SGMS1: variants seen among roughly 807,000 people sequenced by gnomAD.
SGMS1 encodes sphingomyelin synthase 1.
A neutral mutation model predicts 46.2 loss-of-function variants in SGMS1; 13 were observed. The observed-to-expected ratio is 0.28, with a 90% CI of 0.18 to 0.45. The LOEUF (loss-of-function observed/expected upper bound fraction) is 0.45, where lower values mean the gene tolerates loss of function less well. SGMS1 is among the 20% of genes least tolerant of loss of function. SGMS1 has a pLI of 1.00. For synonymous variants in SGMS1, 203 were observed against 187.8 expected, an observed-to-expected ratio of 1.08 and a Z score of -0.66; for missense variants, 324 against 519.9, an observed-to-expected ratio of 0.62 and a Z score of 3.66.
intron 6 of SGMS1, among the ~76,000 whole-genome samples, chr10:50,410,323 C>G (rs979779213): frequency 6.6e-6 from 1 of 152,096 alleles, no homozygotes; most frequent in Non-Finnish European, 1.5e-5. Context: ...GCCAGCTGGT[C>G]CTTAGAGTGC....
chr10:50,441,992 G>A (rs1203397), intron 5 of SGMS1, among the ~76,000 whole-genome samples: 3 of 151,838 alleles, frequency 2.0e-5, no homozygotes, highest in African/African-American at 7.3e-5. Context: ...ACCCTCCAAA[G>A]GCAATGTTTC....
At chr10:50,351,873 G>A (rs1048708109) in intron 6 of SGMS1, among the ~76,000 whole-genome samples, 1 of 152,080 alleles carries the variant, frequency 6.6e-6, no homozygotes, top group East Asian at 1.9e-4. Context: ...AGGAATAAAA[G>A]CTACTAATTA....
intron 3 of SGMS1, among the ~76,000 whole-genome samples, chr10:50,491,049 A>C (rs1464963711): frequency 6.6e-6 from 1 of 152,146 alleles, no homozygotes; most frequent in Non-Finnish European, 1.5e-5. Context: ...TATTTAAAGA[A>C]AAAAAAAGCA....
chr10:50,407,557 A>G (rs1459669998), intron 6 of SGMS1, among the ~76,000 whole-genome samples: 2 of 151,940 alleles, frequency 1.3e-5, no homozygotes, highest in Non-Finnish European at 2.9e-5. Flanking sequence ...TGTCCCTTCA[A>G]CCTGGGGTTG....
intron 2 of SGMS1, among the ~76,000 whole-genome samples, chr10:50,551,410 G>A (rs1016087737): frequency 6.7e-5 from 10 of 150,154 alleles, no homozygotes; most frequent in African/African-American, 2.0e-4. Context: ...AACAGTCACC[G>A]TCTAGGGCTC....
chr10:50,499,866 A>G (rs1837646528), intron 3 of SGMS1, among the ~76,000 whole-genome samples: 1 of 152,238 alleles, frequency 6.6e-6, no homozygotes, highest in South Asian at 2.1e-4. Context: ...CACATATTGT[A>G]TCTAAAAAAC....
intron 2 of SGMS1, among the ~76,000 whole-genome samples, chr10:50,551,990 C>T (rs190531592): frequency 1.2e-4 from 18 of 152,266 alleles, no homozygotes; most frequent in Middle Eastern, 3.4e-3. Context: ...AAGCCTATCC[C>T]CTACTCTGCT....
At chr10:50,529,563 C>T (rs1050695125) in intron 2 of SGMS1, among the ~76,000 whole-genome samples, 4 of 152,154 alleles carry the variant, frequency 2.6e-5, no homozygotes, top group Non-Finnish European at 5.9e-5. Context: ...GTTCGATTTT[C>T]TGAACTTTTT....
chr10:50,376,208 G>T (rs984063782), intron 6 of SGMS1, among the ~76,000 whole-genome samples: 2 of 152,184 alleles, frequency 1.3e-5, no homozygotes, highest in Admixed American at 6.5e-5. Context: ...TGTGGGGATA[G>T]AGGATATACA....
intron 3 of SGMS1, among the ~76,000 whole-genome samples, chr10:50,479,506 G>A (rs1271442182): frequency 1.3e-5 from 2 of 152,130 alleles, no homozygotes; most frequent in African/African-American, 4.8e-5. Flanking sequence ...ACAGAAAAGT[G>A]ACTTTCTGAG....
chr10:50,486,434 C>T (rs1456041283), intron 3 of SGMS1, among the ~76,000 whole-genome samples: 1 of 152,144 alleles, frequency 6.6e-6, no homozygotes, highest in East Asian at 1.9e-4. Flanking sequence ...GATCTAATAA[C>T]CAGAGTCCAC....
intron 2 of SGMS1, among the ~76,000 whole-genome samples, chr10:50,536,377 G>A (rs1354547605): frequency 2.0e-5 from 3 of 152,040 alleles, no homozygotes; most frequent in Non-Finnish European, 4.4e-5. Context: ...TCCTTTTGAG[G>A]AATAAACCTA....
At chr10:50,428,022 T>C (rs1849352983) in intron 6 of SGMS1, among the ~76,000 whole-genome samples, 1 of 151,982 alleles carries the variant, frequency 6.6e-6, no homozygotes, top group Admixed American at 6.6e-5. Flanking sequence ...TGTATGTGTG[T>C]GTATTAGGCC....
chr10:50,533,536 A>G (rs550761517), intron 2 of SGMS1, among the ~76,000 whole-genome samples: 3 of 152,296 alleles, frequency 2.0e-5, no homozygotes, highest in Non-Finnish European at 4.4e-5. Flanking sequence ...ACTTGAAAAT[A>G]AGAAATAGGA....
At chr10:50,366,609 A>G (rs935308054) in intron 6 of SGMS1, among the ~76,000 whole-genome samples, 1 of 152,214 alleles carries the variant, frequency 6.6e-6, no homozygotes, top group Non-Finnish European at 1.5e-5. Flanking sequence ...CACCATGGCA[A>G]ACTATGCAGC....
chr10:50,382,100 A>G (rs538063641), intron 6 of SGMS1, among the ~76,000 whole-genome samples: 21 of 152,320 alleles, frequency 1.4e-4, no homozygotes, highest in Non-Finnish European at 2.1e-4. Context: ...ATATACACAT[A>G]TATCTCTTTT....
chr10:50,514,742 C>T (rs926572770), intron 3 of SGMS1, among the ~76,000 whole-genome samples: 1 of 152,124 alleles, frequency 6.6e-6, no homozygotes, highest in African/African-American at 2.4e-5. Context: ...ACTGCTGTAG[C>T]ATATAAACAG....
intron 3 of SGMS1, among the ~76,000 whole-genome samples, chr10:50,511,366 C>T (rs910817): frequency 0.34 from 50,872 of 151,748 alleles, 8,680 homozygotes; most frequent in Admixed American, 0.4. Context: ...TGAGGAAGGT[C>T]CTTGTAAGCA....
intron 1 of SGMS1, among the ~76,000 whole-genome samples, chr10:50,608,175 C>T (rs1838715120): frequency 6.6e-6 from 1 of 152,154 alleles, no homozygotes; most frequent in Admixed American, 6.5e-5. Flanking sequence ...CAGCATTCCA[C>T]CTTTCAGCAT....
Sources: allele counts gnomAD v4.1 joint callset (sites outside exome capture counted in the v4.1 genomes callset), GRCh38; gene constraint gnomAD v4.1.1; transcripts MANE v1.5; gene names NCBI Gene and HGNC (gene_info 2026-07-23, HGNC 2026-07-21).